SLFN12L: variants seen among roughly 807,000 people sequenced by gnomAD.
The protein encoded by SLFN12L is schlafen family member 12-like.
Under a neutral mutation model 34.8 loss-of-function variants are expected in SLFN12L, and 34 were observed. The ratio of observed to expected loss-of-function variants is 0.98; its 90% confidence interval spans 0.74 to 1.30. The LOEUF is 1.30. SLFN12L is among the 50% of genes most tolerant of loss of function. SLFN12L has a pLI of 0.00. For synonymous variants in SLFN12L, 259 were observed against 247.5 expected, an observed-to-expected ratio of 1.05 and a Z score of -0.44; for missense variants, 703 against 696.2, an observed-to-expected ratio of 1.01 and a Z score of -0.11.
intron 1 of SLFN12L, among the ~76,000 whole-genome samples, chr17:35,530,157 C>G (rs2072377608): frequency 1.4e-5 from 2 of 140,316 alleles, no homozygotes; most frequent in Non-Finnish European, 3.1e-5. Context: ...ACCATCCTGG[C>G]CAACATGGTG....
chr17:35,520,565 C>A (rs1402810222), intron 2 of SLFN12L, among the ~76,000 whole-genome samples: 2 of 152,066 alleles, frequency 1.3e-5, no homozygotes, highest in Non-Finnish European at 2.9e-5. Context: ...GCCAACATGG[C>A]AAAACCCGTA....
intron 2 of SLFN12L, among the ~76,000 whole-genome samples, chr17:35,491,925 T>C (rs535011573): frequency 2.0e-5 from 3 of 152,348 alleles, no homozygotes; most frequent in Middle Eastern, 3.4e-3. Context: ...TCTGCCACTC[T>C]AAGCTGTTGT....
chr17:35,476,454 C>CAAGCAAGG (rs1914009925), intron 4 of SLFN12L, among the ~76,000 whole-genome samples: 1 of 105,550 alleles, frequency 9.5e-6, no homozygotes, highest in Non-Finnish European at 2.0e-5. Flanking sequence ...GAAAAGAAAG[C>CAAGCAAGG]AAGGAAGGAA....
At position 35,473,888 on chromosome 17, in the gene SLFN12L, T is replaced by A. The variant is rs1483009173; in HGVS notation, c.*1035A>T. On this transcript the variant is annotated 3_prime_UTR_variant, in exon 5 of 5. Transcript: ENST00000628453. ...CTCAGTCTTGGGAGGTTGCATGTGT[T>A]CAGGAATTTATCCATTTCTTCTAGA... 1 of 152,204 alleles carries A rather than the reference T, an allele frequency of 6.6e-6. No homozygotes were observed. Among genetic ancestry groups the A allele is most frequent in the East Asian group, 1.9e-4 (1 of 5,198 alleles). The allele number at this position is 152,204 out of a possible 1,614,324, so 9.4% of individuals were successfully genotyped here.
Position 35,491,148 on chromosome 17 carries a change from C to A in SLFN12L, c.87-10953G>T, listed in dbSNP as rs570814177. The A allele has an allele frequency of 6.5e-5, 52 of 801,956 alleles. No homozygotes were observed. The Admixed American group carries it at 9.2e-4, about 14-fold the overall frequency. 49.7% of individuals were successfully genotyped at this position (801,956 alleles called of 1,614,324 possible). On this transcript the variant is annotated intron_variant, in intron 2 of 4. Coordinates refer to ENST00000628453, the MANE Select transcript of SLFN12L (RefSeq NM_001363830.2). The stretch of plus-strand genomic sequence containing the variant: ...ACTTACTGCCTCCCCTGCTGCTCCT[C>A]CTGAGCCTCGGGGAGGAGGAAGGCA...
intron 4 of SLFN12L, among the ~76,000 whole-genome samples, chr17:35,476,756 A>T (rs1199994978): frequency 6.7e-6 from 1 of 148,158 alleles, no homozygotes; most frequent in Non-Finnish European, 1.5e-5. Context: ...ACTTCAAAAG[A>T]GTAAAAGTTA....
At chr17:35,496,448 C>A (rs1157253674) in intron 2 of SLFN12L, among the ~76,000 whole-genome samples, 1 of 152,058 alleles carries the variant, frequency 6.6e-6, no homozygotes, top group Non-Finnish European at 1.5e-5. Flanking sequence ...AGAATGAAGC[C>A]CCGCGTTTCC....
Position 35,473,313 on chromosome 17 carries a change from G to A in SLFN12L, c.*1610C>T, listed in dbSNP as rs1014379636. On this transcript the variant is annotated 3_prime_UTR_variant, in exon 5 of 5. Transcript: ENST00000628453. The stretch of plus-strand genomic sequence containing the variant: ...TGTCATGAATAGCTCTTATTGTTTT[G>A]AGATATGTTTCATCAATACCCAGTT... 2.0e-5 allele frequency among the ~76,000 whole-genome samples: 3 copies of A among 152,106 alleles called. No homozygotes were observed. Among genetic ancestry groups the A allele is most frequent in the Non-Finnish European group, 4.4e-5 (3 of 68,012 alleles).
At chr17:35,533,980 G>A (rs539639824) in intron 1 of SLFN12L, among the ~76,000 whole-genome samples, 4 of 152,264 alleles carry the variant, frequency 2.6e-5, no homozygotes, top group African/African-American at 7.2e-5. Flanking sequence ...GCTGAGGCAC[G>A]AGAATTGCTT....
In SLFN12L at chr17:35,479,133, C is replaced by T. The variant is rs1401266724; in HGVS notation, c.1149G>A (p.Met383Ile). 6 of 1,562,896 alleles carry T rather than the reference C, an allele frequency of 3.8e-6. No homozygotes were observed. Among genetic ancestry groups the T allele is most frequent in the Admixed American group, 1.9e-5 (1 of 52,566 alleles). ...TTCCTCAACCTGGTTCTGAATCCAC[C>T]ATGAACTGGATCCATTCCTTCTCGG... ...QLTEKEWIQFMVDSEPVCEEL... is the reference protein window; with the variant it reads ...QLTEKEWIQFIVDSEPVCEEL... The change falls in exon 3 of 5, where the codon ATG becomes ATA. Residue 383 changes from methionine (M) to isoleucine (I), a missense_variant. Physicochemically the swap from Met to Ile is conservative, Grantham distance 10. Coordinates refer to ENST00000628453, the MANE Select transcript of SLFN12L (RefSeq NM_001363830.2).
chr17:35,472,976 G>C lies in SLFN12L; in HGVS notation c.*1947C>G, dbSNP rs1913831717. 6.6e-6 allele frequency among the ~76,000 whole-genome samples: 1 copy of C among 152,122 alleles called. No individual in the cohort carries two copies. The highest frequency in any genetic ancestry group is 1.5e-5 in the Non-Finnish European group (1 of 68,026). On this transcript the variant is annotated 3_prime_UTR_variant, in exon 5 of 5. Coordinates refer to ENST00000628453, the MANE Select transcript of SLFN12L (RefSeq NM_001363830.2). Reference sequence around the variant, plus strand: ...TTGTCTATTGTTGGTGTAATGGAATGCTTGTGACTTTTGCACATTGATTTT... The same window carrying C: ...TTGTCTATTGTTGGTGTAATGGAATCCTTGTGACTTTTGCACATTGATTTT...
At chr17:35,509,815 A>G (rs1915580215) in intron 2 of SLFN12L, among the ~76,000 whole-genome samples, 2 of 151,488 alleles carry the variant, frequency 1.3e-5, no homozygotes, top group Non-Finnish European at 2.9e-5. Context: ...CTCCTCCCTC[A>G]GCCTCCCGAG....
intron 2 of SLFN12L, among the ~76,000 whole-genome samples, chr17:35,502,416 GAAAAAAAAA>G (rs1161388791): frequency 1.8e-3 from 46 of 25,260 alleles, no homozygotes; most frequent in African/African-American, 5.4e-3. Flanking sequence ...GTATCCTAAG[GAAAAAAAAA>G]AAAAAAAAAA....
intron 2 of SLFN12L, among the ~76,000 whole-genome samples, chr17:35,484,244 C>G (rs555331037): frequency 2.0e-4 from 30 of 152,294 alleles, no homozygotes; most frequent in Admixed American, 1.8e-3. Flanking sequence ...CTCTGCTACT[C>G]CCACATAACT....
intron 2 of SLFN12L, among the ~76,000 whole-genome samples, chr17:35,489,247 A>C (rs542595634): frequency 2.6e-5 from 4 of 151,986 alleles, no homozygotes; most frequent in Non-Finnish European, 5.9e-5. Flanking sequence ...AGAAGTAAGC[A>C]AAAAAGATTA....
chr17:35,517,824 CT>C (rs1364962006), intron 2 of SLFN12L, among the ~76,000 whole-genome samples: 14 of 152,154 alleles, frequency 9.2e-5, no homozygotes, highest in African/African-American at 3.4e-4. Context: ...ATAAATCATG[CT>C]GGGAAAACTG....
chr17:35,479,940 T>G lies in SLFN12L; in HGVS notation c.342A>C (p.Lys114Asn). The change falls in exon 3 of 5, where the codon AAA becomes AAC. Residue 114 changes from lysine to asparagine, a missense_variant. Transcript: ENST00000628453. Reference sequence around the variant, plus strand: ...TTTCCAAATCTAGCCCTATTCCATCTTTTTTATAACTATAGCCTTTATTCT... The same window carrying G: ...TTTCCAAATCTAGCCCTATTCCATCGTTTTTATAACTATAGCCTTTATTCT... The part of the protein sequence containing the change: ...EVENKGYSYK[K>N]DGIGLDLENS... 6.2e-7 allele frequency: 1 copy of G among 1,614,204 alleles called. No homozygotes were observed. The highest frequency in any genetic ancestry group is 1.3e-5 in the African/African-American group (1 of 75,070).
At chr17:35,507,500 G>A (rs760145891) in intron 2 of SLFN12L, among the ~76,000 whole-genome samples, 2 of 152,164 alleles carry the variant, frequency 1.3e-5, no homozygotes, top group Non-Finnish European at 2.9e-5. Context: ...GCTGAAGGAG[G>A]GGTCTGTAGG....
rs1289745875 is a variant in SLFN12L at position 35,467,788 on chromosome 17, G to GTT, written c.*7133_*7134dup. On this transcript the variant is annotated 3_prime_UTR_variant, in exon 5 of 5. Coordinates refer to ENST00000628453, the MANE Select transcript of SLFN12L (RefSeq NM_001363830.2). ...CAGCTGCTTATCTGATATGGGACCCGTTTGAGCCTAAACTTCAACCATGAA... is the reference window on the plus strand; with the variant it reads ...CAGCTGCTTATCTGATATGGGACCCGTTTTTGAGCCTAAACTTCAACCATGAA... Among the ~76,000 whole-genome samples, 8 of 152,268 alleles carry GTT rather than the reference G, an allele frequency of 5.3e-5. No individual in the cohort carries two copies. The highest frequency in any genetic ancestry group is 1.7e-4 in the African/African-American group (7 of 41,562).
Sources: allele counts gnomAD v4.1 joint callset (sites outside exome capture counted in the v4.1 genomes callset), GRCh38; gene constraint gnomAD v4.1.1; transcripts MANE v1.5; gene names NCBI Gene and HGNC (gene_info 2026-07-23, HGNC 2026-07-21).